The following ABCC11 variants were observed in gnomAD, a reference collection of about 807,000 sequenced individuals.
ABCC11 encodes ATP binding cassette subfamily C member 11, also known as ATP-binding cassette sub-family C member 11.
ABCC11 carries 135 observed loss-of-function variants against 149.3 expected under a neutral mutation model. The ratio of observed to expected loss-of-function variants is 0.90; its 90% confidence interval spans 0.79 to 1.04. The LOEUF (loss-of-function observed/expected upper bound fraction) is 1.04. Ranked by LOEUF, ABCC11 falls within the 50% of genes least tolerant of loss-of-function variation. ABCC11 has a pLI of 0.00. For synonymous variants in ABCC11, 665 were observed against 671.4 expected (o/e 0.99, Z 0.15); for missense variants, 1,680 against 1,722.1 (o/e 0.98, Z 0.43).
intron 26 of ABCC11, 42 bp downstream of exon 26, chr16:48,175,216 G>A: frequency 1.9e-6 from 3 of 1,582,796 alleles, no homozygotes; most frequent in Non-Finnish European, 2.6e-6. Flanking sequence ...TCCTGGTCCT[G>A]TGACCCACCT....
intron 11 of ABCC11, among the ~76,000 whole-genome samples, chr16:48,208,886 G>A (rs1192154292): frequency 2.0e-5 from 3 of 152,156 alleles, no homozygotes; most frequent in Non-Finnish European, 4.4e-5. Context: ...ATGCATGCAT[G>A]CATTCATTTA....
intron 22 of ABCC11, 25 bp downstream of exon 22, chr16:48,186,928 C>T (rs755234174): frequency 2.5e-6 from 4 of 1,613,378 alleles, no homozygotes; most frequent in Non-Finnish European, 3.4e-6. Flanking sequence ...TTCCATCATT[C>T]TCAAATGGCA....
At chr16:48,191,317 C>G (rs1966904527) in intron 20 of ABCC11, among the ~76,000 whole-genome samples, 1 of 152,164 alleles carries the variant, frequency 6.6e-6, no homozygotes, top group Admixed American at 6.5e-5. Context: ...GGGCAGATGG[C>G]TTGAGCCCAG....
intron 5 of ABCC11, among the ~76,000 whole-genome samples, chr16:48,223,068 A>G (rs1969852995): frequency 6.6e-6 from 1 of 152,260 alleles, no homozygotes; most frequent in East Asian, 1.9e-4. Context: ...GACAGGAGAC[A>G]GGGGACACAC....
At chr16:48,205,624 A>G (rs1179876345) in intron 12 of ABCC11, 87 bp from the exon 13 acceptor site, 1 of 1,533,450 alleles carries the variant, frequency 6.5e-7, no homozygotes, top group African/African-American at 1.4e-5. Flanking sequence ...CCAGGGCCCC[A>G]CTGCCCTCCA....
intron 24 of ABCC11, among the ~76,000 whole-genome samples, chr16:48,177,331 C>T (rs1433608923): frequency 6.6e-6 from 1 of 152,222 alleles, no homozygotes; most frequent in Non-Finnish European, 1.5e-5. Context: ...ACCTGCATAG[C>T]TAATTCCCTT....
At chr16:48,220,418 C>T (rs564765920) in intron 6 of ABCC11, among the ~76,000 whole-genome samples, 2 of 152,276 alleles carry the variant, frequency 1.3e-5, no homozygotes, top group East Asian at 1.9e-4. Flanking sequence ...CTTGGAGCAA[C>T]GTATGGCTAA....
At chr16:48,202,745 A>G (rs985423619) in intron 14 of ABCC11, among the ~76,000 whole-genome samples, 2 of 152,236 alleles carry the variant, frequency 1.3e-5, no homozygotes, top group Non-Finnish European at 2.9e-5. Flanking sequence ...TAAGTGTTCA[A>G]CAGACTGAGA....
intron 23 of ABCC11, among the ~76,000 whole-genome samples, chr16:48,179,461 C>T (rs557174591): frequency 3.3e-4 from 50 of 152,212 alleles, no homozygotes; most frequent in Non-Finnish European, 5.9e-4. Context: ...ACCTCCATTA[C>T]CCTGGCCCAA....
chr16:48,200,212 T>C, intron 15 of ABCC11, 64 bp downstream of exon 15: 1 of 1,517,664 alleles, frequency 6.6e-7, no homozygotes, highest in Non-Finnish European at 9.0e-7. Context: ...CACTCTGAAA[T>C]GGCAAAGGCT....
At chr16:48,171,372 C>T (rs1370987717) in intron 26 of ABCC11, among the ~76,000 whole-genome samples, 1 of 152,184 alleles carries the variant, frequency 6.6e-6, no homozygotes, top group Non-Finnish European at 1.5e-5. Flanking sequence ...GGAGAGATTG[C>T]AACCATCCTC....
In ABCC11 at chr16:48,245,191, C is replaced by T. The variant is rs549088365; in HGVS notation, c.-19+2123G>A. On this transcript the variant is annotated intron_variant, in intron 1 of 29. Transcript: ENST00000356608. The stretch of plus-strand genomic sequence containing the variant: ...CCTTCTCCTTCTCCCCCTAATCCTT[C>T]TGTTTCCCTTTGTAAAGGGCCTTTA... Among the ~76,000 whole-genome samples, 4 of 152,280 alleles carry T rather than the reference C, an allele frequency of 2.6e-5. No homozygotes were observed. In the South Asian group the frequency reaches 6.2e-4, roughly 24 times the overall value.
intron 23 of ABCC11, among the ~76,000 whole-genome samples, chr16:48,182,784 A>G (rs76511970): frequency 6.9e-6 from 1 of 145,468 alleles, no homozygotes; most frequent in African/African-American, 2.5e-5. Context: ...CTCCATCTCA[A>G]AAAAAAAAAA....
chr16:48,192,629 TA>T lies in ABCC11; in HGVS notation c.2596del (p.Tyr866ThrfsTer43), dbSNP rs1004581355. The stretch of plus-strand genomic sequence containing the variant: ...GATGAGGAGCAGGGCGTTGAGCCCG[TA>T]CACCAGCTGGTAGAAGGACAGTTGA... The part of the protein sequence containing the change: ...NPQLSFYQLV[Y>X]GLNALLLICV... On this transcript the variant is annotated frameshift_variant, in exon 20 of 30. Coordinates refer to ENST00000356608, the MANE Select transcript of ABCC11 (RefSeq NM_001370497.1). LOFTEE classifies it high-confidence loss of function. The T allele has an allele frequency of 6.2e-7, 1 of 1,614,192 alleles. No homozygotes were observed.
intron 1 of ABCC11, among the ~76,000 whole-genome samples, chr16:48,239,385 AC>A (rs201294002): frequency 0.016 from 2,436 of 151,962 alleles, 231 homozygotes; most frequent in Admixed American, 0.14. Context: ...ACACAGTGAA[AC>A]CCCGTCTCTA....
At chr16:48,199,127 T>C (rs764178968) in intron 15 of ABCC11, among the ~76,000 whole-genome samples, 5 of 151,266 alleles carry the variant, frequency 3.3e-5, no homozygotes, top group Non-Finnish European at 7.4e-5. Flanking sequence ...AAAAATGAAA[T>C]TACCAAAGGA....
At chr16:48,200,653 C>G (rs373755942) in intron 14 of ABCC11, among the ~76,000 whole-genome samples, 174 bp from the exon 15 acceptor site, 7 of 152,242 alleles carry the variant, frequency 4.6e-5, no homozygotes, top group Admixed American at 4.6e-4. Context: ...ATATATCTCA[C>G]TCATATGTGG....
chr16:48,210,105 A>G (rs1015794591), intron 11 of ABCC11: 1 of 152,232 alleles, frequency 6.6e-6, no homozygotes, highest in East Asian at 1.9e-4. Context: ...CAGGTCCTCA[A>G]CCACTGGAAG....
chr16:48,205,281 G>A (rs1378164888), intron 13 of ABCC11, 132 bp downstream of exon 13: 2 of 1,300,098 alleles, frequency 1.5e-6, no homozygotes, highest in Non-Finnish European at 1.1e-6. Context: ...TTCACAGTGA[G>A]GGGTGAATAT....
Sources: gnomAD v4.1 joint callset for allele counts (sites outside exome capture counted in the v4.1 genomes callset) on GRCh38, gnomAD v4.1.1 for gene constraint, MANE v1.5 for transcripts, NCBI Gene and HGNC (gene_info 2026-07-23, HGNC 2026-07-21) for gene names.